VWA8: variants seen among roughly 807,000 people sequenced by gnomAD.
VWA8 encodes the protein von Willebrand factor A domain containing 8.
A neutral mutation model predicts 241.5 loss-of-function variants in VWA8; 221 were observed. That is an observed-to-expected ratio of 0.91 (90% CI 0.82 to 1.02). The LOEUF (loss-of-function observed/expected upper bound fraction) is 1.02. Among genes scored for constraint, VWA8 ranks in the 50% least tolerant of loss-of-function variants. The pLI is 0.00. For missense variants in VWA8, 2,322 were observed against 2,328.7 expected (o/e 1.00, Z 0.06); for synonymous variants, 852 against 827.1 (o/e 1.03, Z -0.52).
intron 12 of VWA8, among the ~76,000 whole-genome samples, chr13:41,863,370 A>G (rs1337881330): frequency 2.1e-5 from 3 of 144,584 alleles, no homozygotes; most frequent in Non-Finnish European, 4.5e-5. Context: ...TTATATATAT[A>G]TATGTGTGTG....
rs1872725382 is a variant in VWA8, at chr13:41,855,833, A to C, written c.1425+9903T>G. Among the ~76,000 whole-genome samples the C allele has an allele frequency of 2.6e-5, 4 of 152,280 alleles. No individual in the cohort carries two copies. In the South Asian group the frequency reaches 8.3e-4, roughly 32 times the overall value. On this transcript the variant is annotated intron_variant, in intron 12 of 44. Coordinates refer to ENST00000379310, the MANE Select transcript of VWA8 (RefSeq NM_015058.2). ...AACGTGACTTTAAAAACCCCACCAA[A>C]AATGTGATAAGATGGAACACAGCCA...
At chr13:41,792,597 A>G (rs1435746274) in intron 17 of VWA8, among the ~76,000 whole-genome samples, 2 of 151,988 alleles carry the variant, frequency 1.3e-5, no homozygotes, top group African/African-American at 2.4e-5. Flanking sequence ...TTAGTAGCCT[A>G]TTATACTTCC....
intron 34 of VWA8, among the ~76,000 whole-genome samples, chr13:41,687,501 T>A (rs1239073588): frequency 1.3e-5 from 2 of 152,148 alleles, no homozygotes; most frequent in Non-Finnish European, 2.9e-5. Flanking sequence ...GAAGTTCACA[T>A]AAAGCAAGAA....
intron 20 of VWA8, among the ~76,000 whole-genome samples, chr13:41,771,500 T>C (rs1249290742): frequency 6.6e-6 from 1 of 152,208 alleles, no homozygotes; most frequent in African/African-American, 2.4e-5. Flanking sequence ...CCTTCAAATA[T>C]CTGATAAAGA....
intron 12 of VWA8, among the ~76,000 whole-genome samples, chr13:41,853,200 C>G (rs140583204): frequency 1.6e-3 from 247 of 152,234 alleles, no homozygotes; most frequent in Admixed American, 2.9e-3. Context: ...CAGTGGGCAT[C>G]CTTGACTTGT....
chr13:41,577,527 G>C (rs956968621), intron 42 of VWA8, among the ~76,000 whole-genome samples: 11 of 152,194 alleles, frequency 7.2e-5, no homozygotes, highest in African/African-American at 2.4e-4. Context: ...TTCAGTGGTA[G>C]GATTGGCACA....
At position 41,740,754 on chromosome 13, in the gene VWA8, C is replaced by T. The variant is rs150032142; in HGVS notation, c.2427-8599G>A. Among the ~76,000 whole-genome samples, 52 of 152,284 alleles carry T rather than the reference C, an allele frequency of 3.4e-4. No homozygotes were observed. In the East Asian group the frequency reaches 9.9e-3, roughly 29 times the overall value. On this transcript the variant is annotated intron_variant, in intron 21 of 44. Transcript: ENST00000379310. ...TGGGACCAAAAAGTTCTCTCATCTC[C>T]TGGGAAATCTACCACTTCAGGATGA...
chr13:41,614,536 C>T (rs1018973903), intron 38 of VWA8, among the ~76,000 whole-genome samples: 1 of 152,202 alleles, frequency 6.6e-6, no homozygotes, highest in Non-Finnish European at 1.5e-5. Context: ...TCTTTTCAGT[C>T]AGTTGCTGAA....
intron 29 of VWA8, among the ~76,000 whole-genome samples, chr13:41,694,670 T>C (rs2045203517): frequency 6.6e-6 from 1 of 152,108 alleles, no homozygotes; most frequent in African/African-American, 2.4e-5. Context: ...AACGTTAAAA[T>C]GAATTCTTAG....
At chr13:41,828,861 T>C (rs1304956259) in intron 14 of VWA8, among the ~76,000 whole-genome samples, 1 of 152,108 alleles carries the variant, frequency 6.6e-6, no homozygotes, top group Non-Finnish European at 1.5e-5. Context: ...AATTTTTTTA[T>C]AGCCGTTTTT....
At position 41,658,996 on chromosome 13, in the gene VWA8, T is replaced by G. The variant is rs1185789405; in HGVS notation, c.4611+11950A>C. ...GCCTGTGTCTCCTTAAGTATTTGTA[T>G]GAAAGTTCAATTAAAGTTTAATTAT... On this transcript the variant is annotated intron_variant, in intron 37 of 44. Transcript: ENST00000379310. 1.1e-4 allele frequency among the ~76,000 whole-genome samples: 16 copies of G among 152,354 alleles called. No individual in the cohort carries two copies. The East Asian group carries it at 3.1e-3, about 29-fold the overall frequency.
chr13:41,812,854 T>C (rs879720475), intron 16 of VWA8, among the ~76,000 whole-genome samples: 1 of 152,146 alleles, frequency 6.6e-6, no homozygotes, highest in Non-Finnish European at 1.5e-5. Flanking sequence ...ATTCCAGATA[T>C]GGAGACAATA....
At chr13:41,680,723 C>T (rs577254544) in intron 35 of VWA8, among the ~76,000 whole-genome samples, 1 of 152,232 alleles carries the variant, frequency 6.6e-6, no homozygotes, top group Admixed American at 6.5e-5. Context: ...ACTGGAACAC[C>T]TTTGGTAATT....
In VWA8 at chr13:41,959,504, A is replaced by G. The variant is rs541880491; in HGVS notation, c.163+1349T>C. On this transcript the variant is annotated intron_variant, in intron 1 of 44. Coordinates refer to ENST00000379310, the MANE Select transcript of VWA8 (RefSeq NM_015058.2). Reference sequence around the variant, plus strand: ...TAATTGAGAAAAAGCAAAAAAAAAAAAAAAAACAAAAAGTAAAATTTGAAA... The same window carrying G: ...TAATTGAGAAAAAGCAAAAAAAAAAGAAAAAACAAAAAGTAAAATTTGAAA... Among the ~76,000 whole-genome samples the G allele has an allele frequency of 4.0e-5, 6 of 151,042 alleles. No homozygotes were observed. The South Asian group carries it at 1.3e-3, about 32-fold the overall frequency.
chr13:41,861,153 G>A (rs1226950203), intron 12 of VWA8, among the ~76,000 whole-genome samples: 3 of 152,058 alleles, frequency 2.0e-5, no homozygotes, highest in Non-Finnish European at 2.9e-5. Context: ...GGAGGTTGCC[G>A]TGAGCCGAGA....
intron 16 of VWA8, 125 bp downstream of exon 16, chr13:41,816,573 A>C: frequency 1.2e-6 from 1 of 812,248 alleles, no homozygotes; most frequent in South Asian, 1.8e-5. Flanking sequence ...ACAAAGGCAT[A>C]GCATAAGGGA....
chr13:41,709,366 G>C (rs1408375145), intron 26 of VWA8, among the ~76,000 whole-genome samples: 1 of 152,050 alleles, frequency 6.6e-6, no homozygotes, highest in Non-Finnish European at 1.5e-5. Flanking sequence ...TCATCACCTG[G>C]GTTACTGCAA....
At position 41,758,429 on chromosome 13, in the gene VWA8, T is replaced by TAC. The variant is rs1555331293; in HGVS notation, c.2426+2697_2426+2698dup. On this transcript the variant is annotated intron_variant, in intron 21 of 44. Transcript: ENST00000379310. ...ATATATATATATATATATATATATA[T>TAC]ACGCTAGTATATATATTCCATATAT... Among the ~76,000 whole-genome samples, 181 of 101,464 alleles carry TAC rather than the reference T, an allele frequency of 1.8e-3. 5 individuals are homozygous for TAC. The highest frequency in any genetic ancestry group is 3.1e-3 in the Non-Finnish European group (150 of 48,380). 66.6% of individuals were successfully genotyped at this position (101,464 alleles called of 152,430 possible). A position where few individuals can be genotyped will look rare whatever the true frequency, so the allele number is the denominator to read the frequency against.
chr13:41,826,308 A>G (rs1304641135), intron 14 of VWA8, among the ~76,000 whole-genome samples: 1 of 152,198 alleles, frequency 6.6e-6, no homozygotes, highest in East Asian at 1.9e-4. Flanking sequence ...CAGACAACAA[A>G]GAAGAATCAT....
Sources: gnomAD v4.1 joint callset for allele counts (sites outside exome capture counted in the v4.1 genomes callset) on GRCh38, gnomAD v4.1.1 for gene constraint, MANE v1.5 for transcripts, NCBI Gene and HGNC (gene_info 2026-07-23, HGNC 2026-07-21) for gene names.